The following POPDC2 variants were observed in gnomAD, a reference collection of about 807,000 sequenced individuals.
The protein encoded by POPDC2 is popeye domain-containing protein 2.
In POPDC2, 24 loss-of-function variants were observed where a neutral mutation model predicts 30.5. The observed-to-expected ratio is 0.79, with a 90% CI of 0.57 to 1.11. The LOEUF is 1.11. Ranked by LOEUF, POPDC2 falls within the 50% of genes least tolerant of loss-of-function variation. The pLI is 0.00. For missense variants in POPDC2, 409 were observed against 447.0 expected (o/e 0.91, Z 0.77); for synonymous variants, 185 against 183.3 (o/e 1.01, Z -0.07).
intron 2 of POPDC2, among the ~76,000 whole-genome samples, chr3:119,652,040 G>A (rs534337410): frequency 7.6e-6 from 1 of 132,182 alleles, no homozygotes; most frequent in African/African-American, 2.8e-5. Context: ...CTGTTGTAAC[G>A]TTTTGACAAG....
chr3:119,654,851 G>T, intron 1 of POPDC2: 1 of 475,814 alleles, frequency 2.1e-6, no homozygotes, highest in South Asian at 3.0e-5. Flanking sequence ...CTTACTGGTG[G>T]TTCTCAATTT....
At chr3:119,654,260 G>T (rs1378117724) in intron 2 of POPDC2, among the ~76,000 whole-genome samples, 1 of 152,198 alleles carries the variant, frequency 6.6e-6, no homozygotes, top group Non-Finnish European at 1.5e-5. Flanking sequence ...TGTGGCACTA[G>T]GGTCTTCCAG....
rs1325413005 is a variant in POPDC2 at position 119,648,389 on chromosome 3, C to T, written c.880G>A (p.Val294Met). The T allele has an allele frequency of 6.2e-7, 1 of 1,614,130 alleles. No individual in the cohort carries two copies. Among genetic ancestry groups the T allele is most frequent in the Non-Finnish European group, 8.5e-7 (1 of 1,180,030 alleles). The stretch of plus-strand genomic sequence containing the variant: ...GTGGGTGTGGCCTGAGGAGGGGACA[C>T]AGCTGGCTCACAGACTTCCTCATCA... ...KGDEEVCEPAVSPPQATPTSL... is the reference protein window; with the variant it reads ...KGDEEVCEPAMSPPQATPTSL... The change falls in exon 3 of 4, where the codon GTG (valine) becomes ATG (methionine). Residue 294 changes from valine (V) to methionine (M), a missense_variant. Coordinates refer to ENST00000493094, the MANE Select transcript of POPDC2 (RefSeq NM_001369919.2).
intron 3 of POPDC2, 140 bp from the exon 4 acceptor site, chr3:119,642,701 G>A: frequency 1.7e-6 from 1 of 589,160 alleles, no homozygotes; most frequent in Non-Finnish European, 3.0e-6. Flanking sequence ...ACATGATAGG[G>A]GCAGGTGTAC....
intron 1 of POPDC2, among the ~76,000 whole-genome samples, chr3:119,657,629 G>A (rs548067326): frequency 9.2e-5 from 14 of 152,208 alleles, no homozygotes; most frequent in Non-Finnish European, 1.8e-4. Flanking sequence ...AGAGAATGGC[G>A]CTGCTGCAGC....
Position 119,660,390 on chromosome 3 carries a change from G to A in POPDC2, c.34C>T (p.Leu12Phe). ...CTAATGCACGCTGAACCCTGCAAGA[G>A]AAGCTGGCCCACTCTGCTGCTGTTG... Reference protein sequence around the residue: ...SANSSRVGQLLLQGSACIRWK... With the variant: ...SANSSRVGQLFLQGSACIRWK... Residue 12 changes from leucine (L) to phenylalanine (F), a missense_variant, in exon 1 of 4, where the codon CTC (leucine) becomes TTC (phenylalanine). Leu to Phe is a conservative substitution (Grantham distance 22). Coordinates refer to ENST00000493094, the MANE Select transcript of POPDC2 (RefSeq NM_001369919.2). 6.2e-7 allele frequency: 1 copy of A among 1,613,686 alleles called. No individual in the cohort carries two copies. Among genetic ancestry groups the A allele is most frequent in the South Asian group, 1.1e-5 (1 of 91,052 alleles).
In POPDC2 at chr3:119,654,637, A is replaced by G. The variant is rs371814744; in HGVS notation, c.492-24T>C. The G allele has an allele frequency of 7.5e-6, 12 of 1,591,978 alleles. No individual in the cohort carries two copies. In the African/African-American group the frequency reaches 1.5e-4, roughly 20 times the overall value. Reference sequence around the variant, plus strand: ...CCCTGGCAAGGGAAGAGAAGAGATCATGTGGGAAAAGGAAAATGGCTCTCC... The same window carrying G: ...CCCTGGCAAGGGAAGAGAAGAGATCGTGTGGGAAAAGGAAAATGGCTCTCC... On this transcript the variant is annotated intron_variant, in intron 1 of 3. Coordinates refer to ENST00000493094, the MANE Select transcript of POPDC2 (RefSeq NM_001369919.2).
intron 2 of POPDC2, 124 bp downstream of exon 2, chr3:119,654,381 G>C (rs369773713): frequency 1.4e-6 from 1 of 691,134 alleles, no homozygotes; most frequent in Non-Finnish European, 2.5e-6. Flanking sequence ...GAGTGCCCCC[G>C]CCTGTAGCTT....
intron 3 of POPDC2, chr3:119,643,325 A>G: frequency 7.7e-7 from 1 of 1,300,696 alleles, no homozygotes; most frequent in Non-Finnish European, 1.1e-6. Flanking sequence ...GGGGCTAAAG[A>G]GCTAGCACAT....
intron 2 of POPDC2, 143 bp from the exon 3 acceptor site, chr3:119,648,811 G>T (rs1273225628): frequency 2.8e-6 from 2 of 712,142 alleles, no homozygotes; most frequent in Non-Finnish European, 4.6e-6. Context: ...GGCCTTGCCT[G>T]GAGGAGGTCT....
At chr3:119,642,900 T>C (rs1379593247) in intron 3 of POPDC2, among the ~76,000 whole-genome samples, 1 of 152,206 alleles carries the variant, frequency 6.6e-6, no homozygotes, top group Non-Finnish European at 1.5e-5. Flanking sequence ...TGAATAATGG[T>C]AAGTTTCATA....
intron 2 of POPDC2, among the ~76,000 whole-genome samples, chr3:119,653,922 T>C (rs1317386492): frequency 6.6e-6 from 1 of 152,194 alleles, no homozygotes; most frequent in Non-Finnish European, 1.5e-5. Flanking sequence ...GACAGCAAGA[T>C]GTGCACCAGT....
chr3:119,652,570 G>C (rs1406243304), intron 2 of POPDC2, among the ~76,000 whole-genome samples: 1 of 152,176 alleles, frequency 6.6e-6, no homozygotes, highest in Non-Finnish European at 1.5e-5. Flanking sequence ...CCTTCCTCTT[G>C]AGCGTAACTT....
At chr3:119,650,384 G>A (rs931792540) in intron 2 of POPDC2, among the ~76,000 whole-genome samples, 10 of 152,028 alleles carry the variant, frequency 6.6e-5, no homozygotes, top group African/African-American at 2.4e-4. Context: ...ATACTTAACT[G>A]TCTCCAATTC....
At chr3:119,650,391 A>G (rs2052794378) in intron 2 of POPDC2, among the ~76,000 whole-genome samples, 1 of 151,916 alleles carries the variant, frequency 6.6e-6, no homozygotes, top group Admixed American at 6.6e-5. Flanking sequence ...ACTGTCTCCA[A>G]TTCCTCTCTT....
Position 119,660,417 on chromosome 3 carries a change from C to T in POPDC2, c.7G>A (p.Ala3Thr), listed in dbSNP as rs141778533. 528 of 1,610,744 alleles carry T rather than the reference C, an allele frequency of 3.3e-4. 1 individual carries two copies. In the African/African-American group the frequency reaches 4.4e-3, roughly 13 times the overall value. The change falls in exon 1 of 4, where the codon GCC (alanine) becomes ACC (threonine). Residue 3 changes from alanine to threonine, a missense_variant. Physicochemically the swap from Ala to Thr is moderately conservative, Grantham distance 58. Coordinates refer to ENST00000493094, the MANE Select transcript of POPDC2 (RefSeq NM_001369919.2). The stretch of plus-strand genomic sequence containing the variant: ...AGCTGGCCCACTCTGCTGCTGTTGG[C>T]GCTCATCTTTGGGGCCTCTCAAAGC... The part of the protein sequence containing the change: MS[A>T]NSSRVGQLLL...
intron 2 of POPDC2, among the ~76,000 whole-genome samples, chr3:119,652,296 T>A (rs191096647): frequency 3.3e-5 from 5 of 152,326 alleles, no homozygotes; most frequent in Non-Finnish European, 7.4e-5. Flanking sequence ...TGATTTATAT[T>A]AGGTACAATG....
At chr3:119,656,721 C>G (rs750216952) in intron 1 of POPDC2, among the ~76,000 whole-genome samples, 32 of 152,166 alleles carry the variant, frequency 2.1e-4, no homozygotes, top group Non-Finnish European at 3.4e-4. Context: ...TCTTTAACCT[C>G]TCTTCTAAAG....
intron 2 of POPDC2, among the ~76,000 whole-genome samples, chr3:119,649,309 C>T (rs2052784923): frequency 6.6e-6 from 1 of 152,074 alleles, no homozygotes; most frequent in Non-Finnish European, 1.5e-5. Context: ...AAGACAAACT[C>T]TAAAGGGTAG....
Sources: gnomAD v4.1 joint callset for allele counts (sites outside exome capture counted in the v4.1 genomes callset) on GRCh38, gnomAD v4.1.1 for gene constraint, MANE v1.5 for transcripts, NCBI Gene and HGNC (gene_info 2026-07-23, HGNC 2026-07-21) for gene names.